The following LIMS2 variants were observed in gnomAD, a reference collection of about 807,000 sequenced individuals.
LIMS2 encodes LIM zinc finger domain containing 2.
Under a neutral mutation model 45.3 loss-of-function variants are expected in LIMS2, and 30 were observed. That is an observed-to-expected ratio of 0.66 (90% CI 0.50 to 0.90). The LOEUF (loss-of-function observed/expected upper bound fraction) is 0.90. Among genes scored for constraint, LIMS2 ranks in the 40% least tolerant of loss-of-function variants. The probability of loss-of-function intolerance (pLI) is 0.00; values close to 1 mark genes in which losing one functional copy is unlikely to be tolerated. For missense variants in LIMS2, 485 were observed against 468.7 expected (o/e 1.03, Z -0.32); for synonymous variants, 173 against 188.0 (o/e 0.92, Z 0.65).
At position 127,657,519 on chromosome 2, in the gene LIMS2, G is replaced by A. The variant is rs143249982; in HGVS notation, c.55C>T (p.Gln19Ter). Residue 19 changes from glutamine (Q) to a stop codon, truncating the protein, a stop_gained, in exon 2 of 10, where the codon CAG becomes TAG. Transcript: ENST00000355119. LOFTEE classifies it high-confidence loss of function. ...CGCTCGGCGGGGGAGAAGCGGGCCT[G>A]GCAGCGCTGGCACACGGCGTTGGCC... ...ALANAVCQRC[Q>*]ARFSPAERIV... 1.2e-6 allele frequency: 2 copies of A among 1,612,194 alleles called. No individual in the cohort carries two copies. The highest frequency in any genetic ancestry group is 1.3e-5 in the African/African-American group (1 of 75,052).
At position 127,673,607 on chromosome 2, in the gene LIMS2, G is replaced by C; in HGVS notation, c.11+1407C>G. On this transcript the variant is annotated intron_variant, in intron 1 of 9. Transcript: ENST00000355119. ...TGGCACCTCGGGGCCTCCCATTCCA[G>C]CCCCGCACCCTTCACGGCTCTGTTC... 7 of 1,471,732 alleles carry C rather than the reference G, an allele frequency of 4.8e-6. No individual in the cohort carries two copies. In the South Asian group the frequency reaches 8.5e-5, roughly 18 times the overall value. The allele number at this position is 1,471,732 out of a possible 1,614,324, so 91.2% of individuals were successfully genotyped here.
intron 1 of LIMS2, among the ~76,000 whole-genome samples, chr2:127,668,667 T>TGAA: frequency 7.3e-5 from 1 of 13,702 alleles, no homozygotes; most frequent in Non-Finnish European, 1.3e-4. Context: ...AGACTCCGTC[T>TGAA]CAAAAAAAAA....
At chr2:127,641,954 G>A (rs1462443137) in intron 6 of LIMS2, 95 bp downstream of exon 6, 1 of 1,408,100 alleles carries the variant, frequency 7.1e-7, no homozygotes, top group Non-Finnish European at 9.6e-7. Flanking sequence ...CACCCGCCCT[G>A]GGCTGGGAGT....
At chr2:127,661,157 G>C (rs908160503) in intron 1 of LIMS2, among the ~76,000 whole-genome samples, 5 of 152,164 alleles carry the variant, frequency 3.3e-5, no homozygotes, top group Non-Finnish European at 5.9e-5. Flanking sequence ...AGAGAGGCCG[G>C]CAGAGGCCTG....
In LIMS2 at chr2:127,664,342, C is replaced by T. The variant is rs1300439825; in HGVS notation, c.12-6780G>A. ...CGGCGGGCTCTGCCGGTGCTGGCGC[C>T]GCCGGTACAGCCCCGACGCGGCCAG... On this transcript the variant is annotated intron_variant, in intron 1 of 9. Transcript: ENST00000355119. The surrounding 1 kb of genome is among the most constrained non-coding windows in gnomAD (Gnocchi z 5.5). 4 of 1,228,328 alleles carry T rather than the reference C, an allele frequency of 3.3e-6. No homozygotes were observed. The highest frequency in any genetic ancestry group is 4.3e-5 in the Admixed American group (1 of 23,504). 76.1% of individuals were successfully genotyped at this position (1,228,328 alleles called of 1,614,324 possible). A position where few individuals can be genotyped will look rare whatever the true frequency, so the allele number is the denominator to read the frequency against.
chr2:127,641,966 TG>T, intron 6 of LIMS2, 82 bp downstream of exon 6: 1 of 1,473,420 alleles, frequency 6.8e-7, no homozygotes, highest in Non-Finnish European at 9.2e-7. Flanking sequence ...GCTGGGAGTG[TG>T]GAGGAGCTTT....
chr2:127,651,024 T>C, intron 4 of LIMS2: 1 of 1,613,842 alleles, frequency 6.2e-7, no homozygotes, highest in South Asian at 1.1e-5. Flanking sequence ...TGGGAACCAC[T>C]GGCCATTTGG....
intron 4 of LIMS2, among the ~76,000 whole-genome samples, chr2:127,645,514 A>C (rs1682871189): frequency 6.6e-6 from 1 of 152,222 alleles, no homozygotes; most frequent in South Asian, 2.1e-4. Context: ...GCTTCCGTGC[A>C]GAAGGGGAGC....
At chr2:127,670,907 G>A (rs116076042) in intron 1 of LIMS2, among the ~76,000 whole-genome samples, 35 of 152,386 alleles carry the variant, frequency 2.3e-4, no homozygotes, top group Non-Finnish European at 4.6e-4. Context: ...GGACGTGGGT[G>A]AGGACACAGT....
At chr2:127,651,251 C>A in intron 4 of LIMS2, 1 of 1,606,164 alleles carries the variant, frequency 6.2e-7, no homozygotes, top group Non-Finnish European at 8.5e-7. Flanking sequence ...GCCCACAGAC[C>A]GTGCAGACCA....
At chr2:127,641,358 C>T in intron 6 of LIMS2, 1 of 235,336 alleles carries the variant, frequency 4.2e-6, no homozygotes, top group South Asian at 5.8e-5. Flanking sequence ...GGTGGGCCCT[C>T]ATAGGCAGAG....
chr2:127,675,029 G>A lies in LIMS2; in HGVS notation c.-5C>T, dbSNP rs918035566. ...GGGCCGTTACCTTCCCGTCATGGTGGCAGCGACGCCGAGCCCTGGGTTGCC... is the reference window on the plus strand; with the variant it reads ...GGGCCGTTACCTTCCCGTCATGGTGACAGCGACGCCGAGCCCTGGGTTGCC... On this transcript the variant is annotated 5_prime_UTR_variant, in exon 1 of 10. Coordinates refer to ENST00000355119, the MANE Select transcript of LIMS2 (RefSeq NM_001161403.3). 3.3e-6 allele frequency: 4 copies of A among 1,229,794 alleles called. No individual in the cohort carries two copies. In the African/African-American group the frequency reaches 6.2e-5, roughly 19 times the overall value. The allele number at this position is 1,229,794 out of a possible 1,614,324, so 76.2% of individuals were successfully genotyped here.
chr2:127,664,475 C>A lies in LIMS2; in HGVS notation c.12-6913G>T. 1 of 1,178,180 alleles carries A rather than the reference C, an allele frequency of 8.5e-7. No homozygotes were observed. Among genetic ancestry groups the A allele is most frequent in the Non-Finnish European group, 1.0e-6 (1 of 953,630 alleles). 73.0% of individuals were successfully genotyped at this position (1,178,180 alleles called of 1,614,324 possible). ...CACCTCGGAGGGGAGGCGCGGCCGC[C>A]TGGGGCCAGACACCAAGACGGGACG... On this transcript the variant is annotated intron_variant, in intron 1 of 9. Coordinates refer to ENST00000355119, the MANE Select transcript of LIMS2 (RefSeq NM_001161403.3). This position sits in a 1 kb window ranked among gnomAD's most constrained non-coding sequence, Gnocchi z 5.5.
intron 1 of LIMS2, among the ~76,000 whole-genome samples, chr2:127,663,441 T>C (rs537208630): frequency 6.6e-6 from 1 of 152,344 alleles, no homozygotes; most frequent in South Asian, 2.1e-4. Context: ...CTTCCTCTTC[T>C]GTTCTCAGCA....
At chr2:127,643,239 A>G (rs1682617049) in intron 4 of LIMS2, 167 bp from the exon 5 acceptor site, 2 of 680,460 alleles carry the variant, frequency 2.9e-6, no homozygotes, top group Admixed American at 2.7e-5. Context: ...AAGGCCCAGA[A>G]GGTCACAAGT....
At position 127,664,208 on chromosome 2, in the gene LIMS2, T is replaced by C; in HGVS notation, c.12-6646A>G. Reference sequence around the variant, plus strand: ...CGACGCCGGGGCAGAGCCCACGGCGTCGGAGGGCCCCGGTCGGGTTTCCGA... The same window carrying C: ...CGACGCCGGGGCAGAGCCCACGGCGCCGGAGGGCCCCGGTCGGGTTTCCGA... On this transcript the variant is annotated intron_variant, in intron 1 of 9. Coordinates refer to ENST00000355119, the MANE Select transcript of LIMS2 (RefSeq NM_001161403.3). This position sits in a 1 kb window ranked among gnomAD's most constrained non-coding sequence, Gnocchi z 5.5. 1 of 1,034,102 alleles carries C rather than the reference T, an allele frequency of 9.7e-7. No homozygotes were observed. Among genetic ancestry groups the C allele is most frequent in the Admixed American group, 4.7e-5 (1 of 21,330 alleles). The allele number at this position is 1,034,102 out of a possible 1,614,324, so 64.1% of individuals were successfully genotyped here.
chr2:127,646,158 GC>G (rs1038747916), intron 4 of LIMS2: 1 of 152,464 alleles, frequency 6.6e-6, no homozygotes, highest in Non-Finnish European at 1.5e-5. Context: ...GCGGCAAGGA[GC>G]CCCCTGCCAC....
At chr2:127,640,535 G>A in intron 7 of LIMS2, 2 of 618,628 alleles carry the variant, frequency 3.2e-6, no homozygotes, top group South Asian at 1.9e-5. Context: ...TCCCCAGAAG[G>A]CCCCTCTGCT....
Position 127,642,736 on chromosome 2 carries a change from G to A in LIMS2, c.509+187C>T. ...AGAGCCCTGGAGAGAGAAGCTTCCT[G>A]CCATGGCTGCTTCCCAGCCCCCAGC... On this transcript the variant is annotated intron_variant, in intron 5 of 9. Coordinates refer to ENST00000355119, the MANE Select transcript of LIMS2 (RefSeq NM_001161403.3). The surrounding 1 kb of genome is among the most constrained non-coding windows in gnomAD (Gnocchi z 5.3). 1.6e-6 allele frequency: 1 copy of A among 644,432 alleles called. No individual in the cohort carries two copies. The highest frequency in any genetic ancestry group is 3.0e-5 in the Admixed American group (1 of 33,306). 39.9% of individuals were successfully genotyped at this position (644,432 alleles called of 1,614,324 possible). A position where few individuals can be genotyped will look rare whatever the true frequency, so the allele number is the denominator to read the frequency against.
Sources: gnomAD v4.1 joint callset for allele counts (sites outside exome capture counted in the v4.1 genomes callset) on GRCh38, gnomAD v4.1.1 for gene constraint, Gnocchi (gnomAD v3.1) non-coding constraint, MANE v1.5 for transcripts, NCBI Gene and HGNC (gene_info 2026-07-23, HGNC 2026-07-21) for gene names.